The following ABLIM1 variants were observed in gnomAD, a reference collection of about 807,000 sequenced individuals.
ABLIM1 encodes the protein actin binding LIM protein 1, also known as actin-binding LIM protein 1.
ABLIM1 carries 40 observed loss-of-function variants against 107.0 expected under a neutral mutation model. The observed-to-expected ratio is 0.37, with a 90% CI of 0.29 to 0.49. The LOEUF is 0.49. Ranked by LOEUF, ABLIM1 falls within the 20% of genes least tolerant of loss-of-function variation. ABLIM1 has a pLI of 0.97. For synonymous variants in ABLIM1, 357 were observed against 357.3 expected, an observed-to-expected ratio of 1.00 and a Z score of 0.01; for missense variants, 857 against 1,008.5, an observed-to-expected ratio of 0.85 and a Z score of 2.04.
rs531857948 is a variant in ABLIM1, at chr10:114,703,814, T to TAG, written c.-213+64245_-213+64246dup. Among the ~76,000 whole-genome samples the TAG allele has an allele frequency of 2.6e-3, 392 of 152,370 alleles. 3 individuals are homozygous for TAG. Among genetic ancestry groups the TAG allele is most frequent in the Admixed American group, 3.5e-3 (54 of 15,312 alleles). On this transcript the variant is annotated intron_variant, in intron 1 of 15. Transcript: ENST00000651092. ...GAACAGAGCCCAGAAGGGTCGCAGA[T>TAG]AGAGGCTGGGGGCACAGAACACTAC...
At chr10:114,608,487 T>C (rs2076577129) in intron 1 of ABLIM1, among the ~76,000 whole-genome samples, 1 of 151,676 alleles carries the variant, frequency 6.6e-6, no homozygotes, top group Non-Finnish European at 1.5e-5. Flanking sequence ...CTGACCAACA[T>C]AGAGAAACCC....
chr10:114,468,236 T>G lies in ABLIM1; in HGVS notation c.1276-20A>C. 3.1e-6 allele frequency: 5 copies of G among 1,610,082 alleles called. No individual in the cohort carries two copies. Among genetic ancestry groups the G allele is most frequent in the Non-Finnish European group, 4.3e-6 (5 of 1,176,342 alleles). ...CGGAGACTAGAAAAATAAAAGAGAA[T>G]TTAAAGTCACAATGTTTGTTAACTC... On this transcript the variant is annotated intron_variant, in intron 10 of 22. Coordinates refer to ENST00000533213, the MANE Select transcript of ABLIM1 (RefSeq NM_002313.7).
At chr10:114,645,499 G>A (rs1469439788) in intron 1 of ABLIM1, among the ~76,000 whole-genome samples, 1 of 151,754 alleles carries the variant, frequency 6.6e-6, no homozygotes, top group African/African-American at 2.4e-5. Context: ...AAACAAAAGA[G>A]AATCTAAGAT....
intron 6 of ABLIM1, among the ~76,000 whole-genome samples, chr10:114,523,083 GGAGGTTGCAGTGAGCCAA>G (rs1193249630): frequency 6.6e-6 from 1 of 152,092 alleles, no homozygotes; most frequent in Admixed American, 6.6e-5. Context: ...CCCAGGAGGT[GGAGGTTGCAGTGAGCCAA>G]GATTGCACCA....
At chr10:114,741,512 A>G (rs895113680) in intron 1 of ABLIM1, among the ~76,000 whole-genome samples, 4 of 152,018 alleles carry the variant, frequency 2.6e-5, no homozygotes, top group Non-Finnish European at 4.4e-5. Context: ...GGCGTGAGCC[A>G]CCTCGCCTGG....
intron 4 of ABLIM1, among the ~76,000 whole-genome samples, chr10:114,564,479 G>T (rs974985452): frequency 2.0e-5 from 3 of 151,446 alleles, no homozygotes; most frequent in African/African-American, 7.3e-5. Context: ...CACCATATTG[G>T]CCAGGCTGGT....
At chr10:114,576,677 C>G (rs531041059) in intron 2 of ABLIM1, among the ~76,000 whole-genome samples, 1 of 152,308 alleles carries the variant, frequency 6.6e-6, no homozygotes, top group South Asian at 2.1e-4. Context: ...ACTCCCCCAC[C>G]TTCAGTCAGG....
At chr10:114,715,691 G>A (rs150784428) in intron 1 of ABLIM1, among the ~76,000 whole-genome samples, 366 of 152,176 alleles carry the variant, frequency 2.4e-3, no homozygotes, top group African/African-American at 8.3e-3. Flanking sequence ...AGCCCTCACC[G>A]TGACTTTTCC....
upstream of ABLIM1, among the ~76,000 whole-genome samples, chr10:114,659,594 ATTTCT>A (rs1438750927): frequency 6.6e-6 from 1 of 152,178 alleles, no homozygotes; most frequent in Non-Finnish European, 1.5e-5. Flanking sequence ...AGGAACTTAC[ATTTCT>A]TTTCTTTTTT....
At chr10:114,639,474 G>A (rs762556270) in intron 1 of ABLIM1, among the ~76,000 whole-genome samples, 1 of 152,164 alleles carries the variant, frequency 6.6e-6, no homozygotes, top group African/African-American at 2.4e-5. Context: ...CACACAGGCC[G>A]CCTGATTAAA....
chr10:114,782,273 A>T, the ABLIM1 span, among the ~76,000 whole-genome samples: 1 of 152,180 alleles, frequency 6.6e-6, no homozygotes, highest in African/African-American at 2.4e-5. Context: ...CCTATTAGAT[A>T]AATCCTTAGG....
intron 1 of ABLIM1, among the ~76,000 whole-genome samples, chr10:114,730,652 G>T (rs1009030450): frequency 6.6e-6 from 1 of 151,904 alleles, no homozygotes; most frequent in Non-Finnish European, 1.5e-5. Flanking sequence ...CTTTCTCATC[G>T]ACTTTGTTTT....
At chr10:114,767,188 T>TAAAATAA (rs2082915458) in intron 1 of ABLIM1, among the ~76,000 whole-genome samples, 1 of 152,056 alleles carries the variant, frequency 6.6e-6, no homozygotes, top group Non-Finnish European at 1.5e-5. Flanking sequence ...CTTCGGAGTT[T>TAAAATAA]AAAATAAAAA....
chr10:114,561,864 T>G (rs2069756274), intron 4 of ABLIM1, among the ~76,000 whole-genome samples: 1 of 152,198 alleles, frequency 6.6e-6, no homozygotes, highest in African/African-American at 2.4e-5. Flanking sequence ...CCATTCCCTA[T>G]AAAGCAGGAA....
chr10:114,504,871 C>G lies in ABLIM1; in HGVS notation c.895-12993G>C, dbSNP rs1222358170. Among the ~76,000 whole-genome samples, 2 of 152,168 alleles carry G rather than the reference C, an allele frequency of 1.3e-5. 1 individual carries two copies. The highest frequency in any genetic ancestry group is 4.8e-5 in the African/African-American group (2 of 41,432). ...AAAGGGTATAAAGTAGTGGTTCTGC[C>G]TAGCTTGCAAGGTTGCTGTGTAGAT... On this transcript the variant is annotated intron_variant, in intron 6 of 22. Transcript: ENST00000533213.
At chr10:114,672,364 C>A (rs986649352) in intron 1 of ABLIM1, among the ~76,000 whole-genome samples, 6 of 152,020 alleles carry the variant, frequency 3.9e-5, no homozygotes, top group Non-Finnish European at 7.4e-5. Flanking sequence ...CCATGCCCAG[C>A]TAATTTTTGT....
intron 1 of ABLIM1, among the ~76,000 whole-genome samples, chr10:114,679,746 A>G (rs1049255078): frequency 1.3e-5 from 2 of 152,130 alleles, no homozygotes; most frequent in Non-Finnish European, 1.5e-5. Flanking sequence ...CACATTCTGG[A>G]ACAGAAATGC....
At chr10:114,795,943 G>T in the ABLIM1 span, among the ~76,000 whole-genome samples, 60,599 of 151,822 alleles carry the variant, frequency 0.4, 12,827 homozygotes, top group Non-Finnish European at 0.48. Context: ...CTATAAAAAA[G>T]CCAAACTATG....
intron 6 of ABLIM1, among the ~76,000 whole-genome samples, chr10:114,518,624 T>C (rs1565772840): frequency 6.6e-6 from 1 of 151,882 alleles, no homozygotes; most frequent in East Asian, 2.0e-4. Context: ...TAAAGCTTTA[T>C]TGGAACAGAA....
Sources: allele counts gnomAD v4.1 joint callset (sites outside exome capture counted in the v4.1 genomes callset), GRCh38; gene constraint gnomAD v4.1.1; transcripts MANE v1.5; gene names NCBI Gene and HGNC (gene_info 2026-07-23, HGNC 2026-07-21).